PRKAA1: variants seen among roughly 807,000 people sequenced by gnomAD.
The protein encoded by PRKAA1 is protein kinase AMP-activated catalytic subunit alpha 1.
PRKAA1 carries 23 observed loss-of-function variants against 56.9 expected under a neutral mutation model. The ratio of observed to expected loss-of-function variants is 0.40; its 90% CI spans 0.29 to 0.57. PRKAA1 has a LOEUF of 0.57. Ranked by LOEUF, PRKAA1 falls within the 20% of genes least tolerant of loss-of-function variation. The pLI is 0.39. For synonymous variants in PRKAA1, 226 were observed against 227.0 expected (o/e 1.00, Z 0.04); for missense variants, 413 against 679.7 (o/e 0.61, Z 4.36).
intron 1 of PRKAA1, among the ~76,000 whole-genome samples, chr5:40,791,004 A>T (rs1744697483): frequency 6.6e-6 from 1 of 152,238 alleles, no homozygotes; most frequent in African/African-American, 2.4e-5. Context: ...ATTGTGATCA[A>T]GTTGGGACAG....
chr5:40,794,120 T>A (rs561056302), intron 1 of PRKAA1, among the ~76,000 whole-genome samples: 3 of 152,020 alleles, frequency 2.0e-5, no homozygotes, highest in South Asian at 4.2e-4. Flanking sequence ...AAAAAAGTGT[T>A]CCCTGTTCAC....
intron 1 of PRKAA1, among the ~76,000 whole-genome samples, chr5:40,793,741 TCTC>T (rs968847799): frequency 1.3e-5 from 2 of 152,092 alleles, no homozygotes; most frequent in African/African-American, 4.8e-5. Context: ...CCCCTTTCTC[TCTC>T]CTAACAACAT....
intron 1 of PRKAA1, among the ~76,000 whole-genome samples, chr5:40,779,363 A>C (rs1744166781): frequency 6.6e-6 from 1 of 152,174 alleles, no homozygotes; most frequent in South Asian, 2.1e-4. Flanking sequence ...AATTTGTAAA[A>C]AGTTCTCTAA....
chr5:40,764,798 A>G lies in PRKAA1; in HGVS notation c.1262T>C (p.Met421Thr). ...IRSQSRPNDI[M>T]AEVCRAIKQL... ...TTTGATTGCTCTACATACTTCTGCC[A>G]TAATATCATTTGGTCGACTTTGACT... The change falls in exon 7 of 9, where the codon ATG becomes ACG. Residue 421 changes from methionine (M) to threonine (T), a missense_variant. By Grantham distance (81) the Met-to-Thr change is moderately conservative. Coordinates refer to ENST00000397128, the MANE Select transcript of PRKAA1 (RefSeq NM_006251.6). 6.2e-7 allele frequency: 1 copy of G among 1,613,990 alleles called. No homozygotes were observed. Among genetic ancestry groups the G allele is most frequent in the Non-Finnish European group, 8.5e-7 (1 of 1,179,840 alleles).
At chr5:40,772,840 C>T (rs1230672146) in intron 3 of PRKAA1, among the ~76,000 whole-genome samples, 2 of 152,114 alleles carry the variant, frequency 1.3e-5, no homozygotes, top group Non-Finnish European at 2.9e-5. Flanking sequence ...TGCCATGTTG[C>T]CCAGGCTGGT....
chr5:40,764,005 G>A (rs554676461), intron 8 of PRKAA1, among the ~76,000 whole-genome samples: 1 of 152,166 alleles, frequency 6.6e-6, no homozygotes, highest in East Asian at 1.9e-4. Context: ...AAATTCCTGG[G>A]CTCAAGCCAT....
At chr5:40,797,908 C>G (rs1048350027) in intron 1 of PRKAA1, among the ~76,000 whole-genome samples, 155 bp downstream of exon 1, 2 of 152,106 alleles carry the variant, frequency 1.3e-5, no homozygotes, top group East Asian at 3.9e-4. Context: ...CGCAGCCCCG[C>G]GGCGGCTGGG....
At chr5:40,771,612 A>C in intron 4 of PRKAA1, 107 bp downstream of exon 4, 1 of 1,118,062 alleles carries the variant, frequency 8.9e-7, no homozygotes, top group South Asian at 1.6e-5. Flanking sequence ...TACTCAGTCT[A>C]TTACTTTATG....
chr5:40,770,280 T>A (rs9800106), intron 4 of PRKAA1, among the ~76,000 whole-genome samples: 1 of 151,680 alleles, frequency 6.6e-6, no homozygotes, highest in African/African-American at 2.4e-5. Context: ...CTGGCCAACA[T>A]AGTGATTCCC....
rs571025042 is a variant in PRKAA1, at chr5:40,761,019, T to C, written c.*1759A>G. On this transcript the variant is annotated 3_prime_UTR_variant, in exon 9 of 9. Coordinates refer to ENST00000397128, the MANE Select transcript of PRKAA1 (RefSeq NM_006251.6). ...ATCTATTGTGTGATGCAATTAAGAATGACAAAAAAAAATATCAGTGTAAAT... is the reference window on the plus strand; with the variant it reads ...ATCTATTGTGTGATGCAATTAAGAACGACAAAAAAAAATATCAGTGTAAAT... 1 of 151,924 alleles carries C rather than the reference T, an allele frequency of 6.6e-6. No individual in the cohort carries two copies. Among genetic ancestry groups the C allele is most frequent in the East Asian group, 1.9e-4 (1 of 5,310 alleles). The allele number at this position is 151,924 out of a possible 1,614,324, so 9.4% of individuals were successfully genotyped here. A position where few individuals can be genotyped will look rare whatever the true frequency, so the allele number is the denominator to read the frequency against.
At chr5:40,797,731 T>A (rs898718008) in intron 1 of PRKAA1, among the ~76,000 whole-genome samples, 3 of 151,928 alleles carry the variant, frequency 2.0e-5, no homozygotes, top group African/African-American at 7.3e-5. Flanking sequence ...CGGCGCCCCC[T>A]CCCAGCACCC....
chr5:40,795,267 A>T (rs1468154674), intron 1 of PRKAA1, among the ~76,000 whole-genome samples: 1 of 152,114 alleles, frequency 6.6e-6, no homozygotes, highest in Non-Finnish European at 1.5e-5. Context: ...TGAGGGATAA[A>T]AGACTACAAA....
At chr5:40,796,923 A>G (rs1183189186) in intron 1 of PRKAA1, among the ~76,000 whole-genome samples, 1 of 152,174 alleles carries the variant, frequency 6.6e-6, no homozygotes. Context: ...AATTATTTTT[A>G]TCAGTTCCAA....
chr5:40,788,885 A>G (rs1421721719), intron 1 of PRKAA1, among the ~76,000 whole-genome samples: 1 of 151,942 alleles, frequency 6.6e-6, no homozygotes, highest in Non-Finnish European at 1.5e-5. Flanking sequence ...AAAGACTGAG[A>G]AAACGTATTT....
chr5:40,793,840 C>A (rs1047836695), intron 1 of PRKAA1, among the ~76,000 whole-genome samples: 1 of 152,132 alleles, frequency 6.6e-6, no homozygotes, highest in African/African-American at 2.4e-5. Context: ...GTGGTTCAGG[C>A]CTGTAATCCC....
intron 1 of PRKAA1, among the ~76,000 whole-genome samples, chr5:40,793,935 C>G (rs919022199): frequency 6.6e-6 from 1 of 152,086 alleles, no homozygotes. Context: ...AACCCCATCT[C>G]TACTAAAAAT....
chr5:40,771,669 C>T (rs373781586), intron 4 of PRKAA1, 50 bp downstream of exon 4: 127 of 1,548,682 alleles, frequency 8.2e-5, no homozygotes, highest in Non-Finnish European at 9.1e-5. Context: ...TTCATTGAAA[C>T]TATAAGAACA....
At position 40,767,664 on chromosome 5, in the gene PRKAA1, A is replaced by G. The variant is rs1230232491; in HGVS notation, c.623T>C (p.Ile208Thr). The G allele has an allele frequency of 4.3e-6, 7 of 1,612,458 alleles. No homozygotes were observed. Among genetic ancestry groups the G allele is most frequent in the South Asian group, 1.1e-5 (1 of 91,024 alleles). The change falls in exon 6 of 9, where the codon ATA becomes ACA. Residue 208 changes from isoleucine to threonine, a missense_variant. Physicochemically the swap from Ile to Thr is moderately conservative, Grantham distance 89. Coordinates refer to ENST00000397128, the MANE Select transcript of PRKAA1 (RefSeq NM_006251.6). Reference protein sequence around the residue: ...GRLYAGPEVDIWSSGVILYAL... With the variant: ...GRLYAGPEVDTWSSGVILYAL... ...ATAGAGAATAACCCCACTGCTCCAT[A>G]TATCTACCTCTGGGCCTGCATACAA...
At position 40,769,003 on chromosome 5, in the gene PRKAA1, CCAAGACATTTTAT is replaced by C. The variant is rs946769085; in HGVS notation, c.596+400_596+412del. 24 of 1,133,036 alleles carry C rather than the reference CCAAGACATTTTAT, an allele frequency of 2.1e-5. 1 individual carries two copies. The highest frequency in any genetic ancestry group is 2.7e-5 in the Non-Finnish European group (21 of 788,480). The allele number at this position is 1,133,036 out of a possible 1,614,324, so 70.2% of individuals were successfully genotyped here. On this transcript the variant is annotated intron_variant, in intron 5 of 8. Transcript: ENST00000397128. Reference sequence around the variant, plus strand: ...CTAAAGATTACTTCAGCCCAGTTCCCCAAGACATTTTATCATGAAACATAAAGGTACTACAAAA... The same window carrying C: ...CTAAAGATTACTTCAGCCCAGTTCCCCATGAAACATAAAGGTACTACAAAA...
Sources: gnomAD v4.1 joint callset for allele counts (sites outside exome capture counted in the v4.1 genomes callset) on GRCh38, gnomAD v4.1.1 for gene constraint, MANE v1.5 for transcripts, NCBI Gene and HGNC (gene_info 2026-07-23, HGNC 2026-07-21) for gene names.